The following SNX17 variants were observed in gnomAD, a reference collection of about 807,000 sequenced individuals.
SNX17 encodes sorting nexin 17.
Under a neutral mutation model 64.3 loss-of-function variants are expected in SNX17, and 35 were observed. That is an observed-to-expected ratio of 0.54 (90% CI 0.42 to 0.72). The LOEUF (loss-of-function observed/expected upper bound fraction) is 0.72, where lower values mean the gene tolerates loss of function less well. Among genes scored for constraint, SNX17 ranks in the 30% least tolerant of loss-of-function variants. The pLI is 0.00. For synonymous variants in SNX17, 259 were observed against 230.2 expected (o/e 1.13, Z -1.13); for missense variants, 538 against 610.0 (o/e 0.88, Z 1.24).
At chr2:27,376,215 A>G (rs1558307419) in intron 12 of SNX17, 32 bp downstream of exon 12, 9 of 1,613,510 alleles carry the variant, frequency 5.6e-6, no homozygotes, top group Non-Finnish European at 7.6e-6. Flanking sequence ...AGCAGTGAGC[A>G]GGTGTGCTCC....
Position 27,375,135 on chromosome 2 carries a change from GAA to G in SNX17, c.758_759del (p.Lys253SerfsTer22). The G allele has an allele frequency of 6.2e-7, 1 of 1,614,126 alleles. No individual in the cohort carries two copies. Among genetic ancestry groups the G allele is most frequent in the Non-Finnish European group, 8.5e-7 (1 of 1,180,008 alleles). On this transcript the variant is annotated frameshift_variant, in exon 9 of 15. Transcript: ENST00000233575. LOFTEE classifies it high-confidence loss of function. This position sits in a 1 kb window ranked among gnomAD's most constrained non-coding sequence, Gnocchi z 4.1. ...ACCGGCAACTCAAATCTCTGCAAGA[GAA>G]AGTCTCCAAGAAGGAGGTGAGCCCT... ...QHRQLKSLQE[K>X]VSKKEFLRLA...
At position 27,377,026 on chromosome 2, in the gene SNX17, C is replaced by T; in HGVS notation, c.*307C>T. On this transcript the variant is annotated 3_prime_UTR_variant, in exon 15 of 15. Coordinates refer to ENST00000233575, the MANE Select transcript of SNX17 (RefSeq NM_014748.4). This position sits in a 1 kb window ranked among gnomAD's most constrained non-coding sequence, Gnocchi z 4.4. ...AACCATATCTCCCTCTGGGCCGCTT[C>T]TGGCCTCTTGGAGCCATGGGCCAAA... 1 of 427,796 alleles carries T rather than the reference C, an allele frequency of 2.3e-6. No individual in the cohort carries two copies. 26.5% of individuals were successfully genotyped at this position (427,796 alleles called of 1,614,324 possible).
intron 2 of SNX17, among the ~76,000 whole-genome samples, chr2:27,372,387 C>G (rs542474510): frequency 6.6e-6 from 1 of 152,148 alleles, no homozygotes; most frequent in East Asian, 1.9e-4. Context: ...AAATCCTCCC[C>G]GTACTGTGGA....
In SNX17 at chr2:27,377,512, G is replaced by A. The variant is rs145489942; in HGVS notation, c.*793G>A. 1.2e-4 allele frequency: 191 copies of A among 1,609,342 alleles called. 1 individual carries two copies. The Middle Eastern group carries it at 1.5e-3, about 13-fold the overall frequency. ...GGGAGAAAAAGGTGGCTTCTGGTCC[G>A]TCTGTATAAAACATGGGGAAGAAGG... On this transcript the variant is annotated 3_prime_UTR_variant, in exon 15 of 15. Transcript: ENST00000233575. The surrounding 1 kb of genome is among the most constrained non-coding windows in gnomAD (Gnocchi z 4.4).
At position 27,375,612 on chromosome 2, in the gene SNX17, A is replaced by G; in HGVS notation, c.881A>G (p.Asn294Ser). 4.3e-6 allele frequency: 7 copies of G among 1,614,088 alleles called. No homozygotes were observed. Among genetic ancestry groups the G allele is most frequent in the Non-Finnish European group, 5.1e-6 (6 of 1,179,982 alleles). The stretch of plus-strand genomic sequence containing the variant: ...TGTCCTGTGGTGGTGAGCGCGGGCA[A>G]CAGTGAGCTCAGCCTGCAGCTCCGC... ...KDCPVVVSAG[N>S]SELSLQLRLP... The change falls in exon 10 of 15, where the codon AAC becomes AGC. Residue 294 changes from asparagine to serine, a missense_variant. Physicochemically the swap from Asn to Ser is conservative, Grantham distance 46. This residue lies in a region of SNX17 where 505 missense variants were observed against 550.4 expected (regional missense o/e 0.92). Coordinates refer to ENST00000233575, the MANE Select transcript of SNX17 (RefSeq NM_014748.4). This position sits in a 1 kb window ranked among gnomAD's most constrained non-coding sequence, Gnocchi z 4.1.
rs1438375501 is a variant in SNX17 at position 27,376,314 on chromosome 2, T to A, written c.1184T>A (p.Met395Lys). 5 of 1,612,020 alleles carry A rather than the reference T, an allele frequency of 3.1e-6. No individual in the cohort carries two copies. Among genetic ancestry groups the A allele is most frequent in the Non-Finnish European group, 4.2e-6 (5 of 1,178,608 alleles). ...VKKSGGSIRK[M>K]LRRRVGGTLR... The stretch of plus-strand genomic sequence containing the variant: ...CCGGCACCTTGTGTCTGTCCCCAGA[T>A]GCTGCGCCGGCGGGTGGGGGGTACT... Residue 395 changes from methionine (M) to lysine (K), a missense_variant and splice_region_variant, in exon 13 of 15, where the codon ATG becomes AAG. Physicochemically the swap from Met to Lys is moderately conservative, Grantham distance 95. Around this residue, in one of 3 missense-constraint regions of SNX17, gnomAD observed 505 missense variants for 550.4 expected, o/e 0.92. Coordinates refer to ENST00000233575, the MANE Select transcript of SNX17 (RefSeq NM_014748.4).
At position 27,371,296 on chromosome 2, in the gene SNX17, C is replaced by T. The variant is rs540162724; in HGVS notation, c.91C>T (p.Leu31=). The stretch of plus-strand genomic sequence containing the variant: ...CTATAACATTCACGTGAATGGAGTC[C>T]TGCACTGTCGGGTGCGCTACAGCCA... ...VAYNIHVNGV[L]HCRVRYSQLL... is the part of the protein sequence containing the mutation. Residue 31 remains leucine, a synonymous_variant, in exon 2 of 15, where the codon CTG becomes TTG. Transcript: ENST00000233575. The T allele has an allele frequency of 2.5e-5, 41 of 1,613,548 alleles. No homozygotes were observed. The Middle Eastern group carries it at 2.0e-3, about 78-fold the overall frequency.
At chr2:27,373,158 A>G in intron 3 of SNX17, 89 bp from the exon 4 acceptor site, 1 of 1,608,400 alleles carries the variant, frequency 6.2e-7, no homozygotes, top group Non-Finnish European at 8.5e-7. Context: ...CAGCCCAGGA[A>G]ATGGGGTCGG....
At chr2:27,371,453 T>C (rs1682533445) in intron 2 of SNX17, 110 bp downstream of exon 2, 1 of 1,457,514 alleles carries the variant, frequency 6.9e-7, no homozygotes, top group Admixed American at 2.7e-5. Flanking sequence ...AGTTCCCCTT[T>C]AATCACTGCC....
Position 27,375,908 on chromosome 2 carries a change from A to C in SNX17, c.1041A>C (p.Glu347Asp), listed in dbSNP as rs1271628434. Residue 347 changes from glutamate to aspartate, a missense_variant, in exon 11 of 15, where the codon GAA (glutamate) becomes GAC (aspartate). Physicochemically the swap from Glu to Asp is conservative, Grantham distance 45 (BLOSUM62 2). Transcript: ENST00000233575. The surrounding 1 kb of genome is among the most constrained non-coding windows in gnomAD (Gnocchi z 4.1). ...PGRGRGEVRL[E>D]LAFEYLMSKD... ...GGGGCCGGGGTGAGGTGCGCCTGGAACTGGCTTTTGAATACCTCATGAGCA... is the reference window on the plus strand; with the variant it reads ...GGGGCCGGGGTGAGGTGCGCCTGGACCTGGCTTTTGAATACCTCATGAGCA... 3.1e-6 allele frequency: 5 copies of C among 1,614,026 alleles called. No individual in the cohort carries two copies. The highest frequency in any genetic ancestry group is 4.2e-6 in the Non-Finnish European group (5 of 1,180,030).
At position 27,376,790 on chromosome 2, in the gene SNX17, C is replaced by T; in HGVS notation, c.*71C>T. The T allele has an allele frequency of 7.5e-7, 1 of 1,330,318 alleles. No individual in the cohort carries two copies. The highest frequency in any genetic ancestry group is 1.2e-5 in the South Asian group (1 of 82,782). The allele number at this position is 1,330,318 out of a possible 1,614,324, so 82.4% of individuals were successfully genotyped here. On this transcript the variant is annotated 3_prime_UTR_variant, in exon 15 of 15. Coordinates refer to ENST00000233575, the MANE Select transcript of SNX17 (RefSeq NM_014748.4). ...GAAACTTGCCCTGTGCCTGTGTCCC[C>T]CATGCTAGGGGCGGAGGGGTCTTTT...
intron 13 of SNX17, 32 bp from the exon 14 acceptor site, chr2:27,376,447 A>G: frequency 1.2e-6 from 2 of 1,613,702 alleles, no homozygotes; most frequent in African/African-American, 1.3e-5. Context: ...TCTCCTAGTG[A>G]GTTTCTGACA....
In SNX17 at chr2:27,370,819, C is replaced by A; in HGVS notation, c.63+13C>A. The A allele has an allele frequency of 6.5e-7, 1 of 1,539,224 alleles. No individual in the cohort carries two copies. Among genetic ancestry groups the A allele is most frequent in the African/African-American group, 1.4e-5 (1 of 72,954 alleles). ...CTCCGCCTACGTGGTGAGGAGCGGC[C>A]GGAGCCGAGCCGGGCCGGGCAGGGG... On this transcript the variant is annotated intron_variant, in intron 1 of 14. Coordinates refer to ENST00000233575, the MANE Select transcript of SNX17 (RefSeq NM_014748.4).
chr2:27,370,892 C>T, intron 1 of SNX17, 86 bp downstream of exon 1: 2 of 1,429,028 alleles, frequency 1.4e-6, no homozygotes. Context: ...TGAGGCCTGA[C>T]CGCCACCCTT....
At position 27,375,778 on chromosome 2, in the gene SNX17, T is replaced by C; in HGVS notation, c.979-68T>C. ...GCAAGCCTTGAGCTTAGGTATGGGCTGCAGCGGGTCAGGGAGCCAGACAGG... is the reference window on the plus strand; with the variant it reads ...GCAAGCCTTGAGCTTAGGTATGGGCCGCAGCGGGTCAGGGAGCCAGACAGG... On this transcript the variant is annotated intron_variant, in intron 10 of 14. Transcript: ENST00000233575. This position sits in a 1 kb window ranked among gnomAD's most constrained non-coding sequence, Gnocchi z 4.1. The C allele has an allele frequency of 6.2e-7, 1 of 1,610,408 alleles. No individual in the cohort carries two copies. The highest frequency in any genetic ancestry group is 8.5e-7 in the Non-Finnish European group (1 of 1,178,032).
rs1309483446 is a variant in SNX17 at position 27,376,807 on chromosome 2, G to A, written c.*88G>A. 3 of 1,126,178 alleles carry A rather than the reference G, an allele frequency of 2.7e-6. No homozygotes were observed. Among genetic ancestry groups the A allele is most frequent in the Admixed American group, 4.1e-5 (2 of 48,926 alleles). 69.8% of individuals were successfully genotyped at this position (1,126,178 alleles called of 1,614,324 possible). On this transcript the variant is annotated 3_prime_UTR_variant, in exon 15 of 15. Coordinates refer to ENST00000233575, the MANE Select transcript of SNX17 (RefSeq NM_014748.4). ...TGTGTCCCCCATGCTAGGGGCGGAGGGGTCTTTTCCTTCTTCTTTCCTACC... is the reference window on the plus strand; with the variant it reads ...TGTGTCCCCCATGCTAGGGGCGGAGAGGTCTTTTCCTTCTTCTTTCCTACC...
Position 27,375,570 on chromosome 2 carries a change from A to G in SNX17, c.839A>G (p.Asp280Gly). 6.2e-7 allele frequency: 1 copy of G among 1,614,172 alleles called. No homozygotes were observed. The highest frequency in any genetic ancestry group is 1.3e-5 in the African/African-American group (1 of 75,040). ...TTGCGCTTTGATGCCTGTGTGGCTGACTTCCCAGAAAAGGACTGTCCTGTG... is the reference window on the plus strand; with the variant it reads ...TTGCGCTTTGATGCCTGTGTGGCTGGCTTCCCAGAAAAGGACTGTCCTGTG... ...GYLRFDACVA[D>G]FPEKDCPVVV... Residue 280 changes from aspartate to glycine, a missense_variant, in exon 10 of 15, where the codon GAC (aspartate) becomes GGC (glycine). This residue lies in a region of SNX17 where 505 missense variants were observed against 550.4 expected (regional missense o/e 0.92). Coordinates refer to ENST00000233575, the MANE Select transcript of SNX17 (RefSeq NM_014748.4). This position sits in a 1 kb window ranked among gnomAD's most constrained non-coding sequence, Gnocchi z 4.1.
chr2:27,377,510 C>A lies in SNX17; in HGVS notation c.*791C>A, dbSNP rs760150083. ...GGGGGAGAAAAAGGTGGCTTCTGGTCCGTCTGTATAAAACATGGGGAAGAA... is the reference window on the plus strand; with the variant it reads ...GGGGGAGAAAAAGGTGGCTTCTGGTACGTCTGTATAAAACATGGGGAAGAA... On this transcript the variant is annotated 3_prime_UTR_variant, in exon 15 of 15. Coordinates refer to ENST00000233575, the MANE Select transcript of SNX17 (RefSeq NM_014748.4). This position sits in a 1 kb window ranked among gnomAD's most constrained non-coding sequence, Gnocchi z 4.4. 6.2e-7 allele frequency: 1 copy of A among 1,610,598 alleles called. No homozygotes were observed. Among genetic ancestry groups the A allele is most frequent in the South Asian group, 1.1e-5 (1 of 91,000 alleles).
Position 27,371,327 on chromosome 2 carries a change from TG to T in SNX17, c.126del (p.Leu43CysfsTer25). 1 of 1,612,816 alleles carries T rather than the reference TG, an allele frequency of 6.2e-7. No homozygotes were observed. On this transcript the variant is annotated frameshift_variant, in exon 2 of 15. Transcript: ENST00000233575. LOFTEE classifies it high-confidence loss of function. ...LHCRVRYSQL[L>X]GLHEQLRKEY... ...TGTCGGGTGCGCTACAGCCAGCTCC[TG>T]GGGCTGCACGAGCAGGTGGGACTAG... is the stretch of plus-strand genomic sequence containing the variant.
Sources: gnomAD v4.1 joint callset for allele counts (sites outside exome capture counted in the v4.1 genomes callset) on GRCh38, gnomAD v4.1.1 for gene constraint, gnomAD v4.1.1 regional missense constraint, Gnocchi (gnomAD v3.1) non-coding constraint, MANE v1.5 for transcripts, NCBI Gene and HGNC (gene_info 2026-07-23, HGNC 2026-07-21) for gene names.